The following PFKL variants were observed in gnomAD, a reference collection of about 807,000 sequenced individuals.
The protein encoded by PFKL is ATP-dependent 6-phosphofructokinase, liver type.
PFKL carries 74 observed loss-of-function variants against 92.1 expected under a neutral mutation model. The ratio of observed to expected loss-of-function variants is 0.80; its 90% CI spans 0.67 to 0.97. PFKL has a LOEUF of 0.97. PFKL is among the 50% of genes least tolerant of loss of function. The probability of loss-of-function intolerance (pLI) is 0.00; values close to 1 mark genes in which losing one functional copy is unlikely to be tolerated. For missense variants in PFKL, 1,028 were observed against 1,116.6 expected, an observed-to-expected ratio of 0.92 and a Z score of 1.13; for synonymous variants, 494 against 456.4, an observed-to-expected ratio of 1.08 and a Z score of -1.05.
intron 9 of PFKL, among the ~76,000 whole-genome samples, chr21:44,317,597 G>A (rs1345691698): frequency 2.6e-5 from 4 of 152,306 alleles, no homozygotes; most frequent in East Asian, 1.9e-4. Flanking sequence ...GCCTGATGCC[G>A]GGTGTGAAAC....
chr21:44,303,938 C>T (rs139763504), intron 1 of PFKL, among the ~76,000 whole-genome samples: 539 of 152,114 alleles, frequency 3.5e-3, no homozygotes, highest in African/African-American at 0.01. Context: ...AAAGAAAAGC[C>T]GATTAAAGGG....
rs776879126 is a variant in PFKL at position 44,324,574 on chromosome 21, C to T, written c.1734C>T (p.Tyr578=). The change falls in exon 17 of 22, where the codon TAC becomes TAT. Residue 578 remains tyrosine, a synonymous_variant. Transcript: ENST00000349048. ...IVETMGGYCG[Y]LATVTGIAVG... is the part of the protein sequence containing the mutation. ...AGACCATGGGGGGTTACTGTGGCTA[C>T]CTGGCCACCGTGACTGGCATTGCTG... is the stretch of plus-strand genomic sequence containing the variant. 1.9e-6 allele frequency: 3 copies of T among 1,612,848 alleles called. No individual in the cohort carries two copies. The highest frequency in any genetic ancestry group is 2.7e-5 in the African/African-American group (2 of 74,886).
chr21:44,304,338 G>A (rs1257540427), intron 1 of PFKL: 17 of 1,287,968 alleles, frequency 1.3e-5, no homozygotes, highest in Non-Finnish European at 1.6e-5. Context: ...GACCCGCCCA[G>A]TGGCACATTG....
At position 44,316,343 on chromosome 21, in the gene PFKL, C is replaced by T. The variant is rs1299618419; in HGVS notation, c.843+4C>T. 4.3e-6 allele frequency: 7 copies of T among 1,612,802 alleles called. No homozygotes were observed. Among genetic ancestry groups the T allele is most frequent in the East Asian group, 4.5e-5 (2 of 44,882 alleles). On this transcript the variant is annotated splice_donor_region_variant and intron_variant, in intron 8 of 21. Coordinates refer to ENST00000349048, the MANE Select transcript of PFKL (RefSeq NM_002626.6). ...CTCGTCCAGCTACGTGAAGGACGTG[C>T]GTGTGGGCCTGGGGGTGGCCACTGG...
intron 3 of PFKL, 145 bp downstream of exon 3, chr21:44,311,228 A>G (rs775962899): frequency 9.3e-5 from 58 of 621,832 alleles, no homozygotes; most frequent in Middle Eastern, 4.3e-4. Flanking sequence ...ACACAGACGC[A>G]CACACACACA....
intron 1 of PFKL, chr21:44,304,247 G>A (rs777912197): frequency 7.8e-7 from 1 of 1,289,180 alleles, no homozygotes; most frequent in South Asian, 1.2e-5. Context: ...GCTGACCCCT[G>A]ATCCTGGGGC....
intron 1 of PFKL, chr21:44,306,068 C>T (rs1274909854): frequency 5.2e-6 from 4 of 776,456 alleles, no homozygotes; most frequent in Non-Finnish European, 7.3e-6. Flanking sequence ...GTGCTTTCCT[C>T]AGTGCCCAGA....
chr21:44,312,274 T>A lies in PFKL; in HGVS notation c.407T>A (p.Leu136Gln). ...TTCCGCAGCGAGTGGGGCAGCCTGC[T>A]GGAGGAGCTGGTGGCGGAAGGTGGG... The part of the protein sequence containing the change: ...NIFRSEWGSL[L>Q]EELVAEGKIS... The change falls in exon 4 of 22, where the codon CTG (leucine) becomes CAG (glutamine). Residue 136 changes from leucine to glutamine, a missense_variant. Leu to Gln is a moderately radical substitution (Grantham distance 113). Coordinates refer to ENST00000349048, the MANE Select transcript of PFKL (RefSeq NM_002626.6). The A allele has an allele frequency of 6.3e-7, 1 of 1,593,532 alleles. No individual in the cohort carries two copies. Among genetic ancestry groups the A allele is most frequent in the Non-Finnish European group, 8.5e-7 (1 of 1,171,892 alleles).
At chr21:44,300,219 C>T (rs1230461026) in intron 1 of PFKL, 29 bp downstream of exon 1, 17 of 1,036,892 alleles carry the variant, frequency 1.6e-5, no homozygotes, top group Non-Finnish European at 1.7e-5. Context: ...CGCGTCGCGG[C>T]GCAGGGGGTG....
At position 44,313,025 on chromosome 21, in the gene PFKL, G is replaced by A. The variant is rs765713795; in HGVS notation, c.475G>A (p.Ala159Thr). Residue 159 changes from alanine (A) to threonine (T), a missense_variant, in exon 5 of 22, where the codon GCG (alanine) becomes ACG (threonine). Physicochemically the swap from Ala to Thr is moderately conservative, Grantham distance 58 (BLOSUM62 0). Coordinates refer to ENST00000349048, the MANE Select transcript of PFKL (RefSeq NM_002626.6). ...CCGGACCTACTCGCACCTGAACATC[G>A]CGGGCCTAGTGGGCTCCATCGATAA... The part of the protein sequence containing the change: ...TARTYSHLNI[A>T]GLVGSIDNDF... 2.2e-5 allele frequency: 35 copies of A among 1,612,976 alleles called. No individual in the cohort carries two copies. The highest frequency in any genetic ancestry group is 2.2e-4 in the Admixed American group (13 of 60,000).
intron 9 of PFKL, among the ~76,000 whole-genome samples, chr21:44,316,827 C>T (rs917722300): frequency 5.9e-5 from 9 of 152,154 alleles, no homozygotes; most frequent in South Asian, 2.1e-4. Context: ...CTGGCTTCTC[C>T]GTTCCCCTGC....
At chr21:44,322,662 C>T (rs2146014110) in intron 14 of PFKL, among the ~76,000 whole-genome samples, 1 of 152,326 alleles carries the variant, frequency 6.6e-6, no homozygotes. Context: ...TCCGCTCCTG[C>T]CGCTGAGTGT....
Position 44,323,018 on chromosome 21 carries a change from T to A in PFKL, c.1466T>A (p.Ile489Asn), listed in dbSNP as rs2047398770. The A allele has an allele frequency of 1.2e-6, 2 of 1,613,030 alleles. No homozygotes were observed. Among genetic ancestry groups the A allele is most frequent in the Non-Finnish European group, 1.7e-6 (2 of 1,179,664 alleles). ...GTGGAGAACATCCGCATCTATGGTA[T>A]TCACGCCCTGCTGGTGGTCGGTGGG... ...SIVENIRIYG[I>N]HALLVVGGFE... Residue 489 changes from isoleucine (I) to asparagine (N), a missense_variant, in exon 15 of 22, where the codon ATT becomes AAT. By Grantham distance (149) the Ile-to-Asn change is moderately radical. Coordinates refer to ENST00000349048, the MANE Select transcript of PFKL (RefSeq NM_002626.6).
intron 19 of PFKL, 85 bp downstream of exon 19, chr21:44,325,349 C>A (rs1035295813): frequency 2.9e-5 from 23 of 794,098 alleles, no homozygotes; most frequent in Non-Finnish European, 4.5e-5. Flanking sequence ...CCAGCCCTCA[C>A]GGGCACCCAC....
At chr21:44,302,976 T>G (rs1307208264) in intron 1 of PFKL, among the ~76,000 whole-genome samples, 1 of 152,168 alleles carries the variant, frequency 6.6e-6, no homozygotes, top group Non-Finnish European at 1.5e-5. Flanking sequence ...CTCACGCCTG[T>G]AATTCCAGCA....
Position 44,321,828 on chromosome 21 carries a change from A to C in PFKL, c.1291A>C (p.Thr431Pro), listed in dbSNP as rs752952802. 1 of 1,597,620 alleles carries C rather than the reference A, an allele frequency of 6.3e-7. No homozygotes were observed. The highest frequency in any genetic ancestry group is 8.5e-7 in the Non-Finnish European group (1 of 1,171,750). The change falls in exon 13 of 22, where the codon ACA becomes CCA. Residue 431 changes from threonine to proline, a missense_variant. Coordinates refer to ENST00000349048, the MANE Select transcript of PFKL (RefSeq NM_002626.6). ...AVRTGISHGH[T>P]VYVVHDGFEG... ...GCGGACCGGCATCTCCCATGGACACACAGTATACGTGGTGCACGATGGCTT... is the reference window on the plus strand; with the variant it reads ...GCGGACCGGCATCTCCCATGGACACCCAGTATACGTGGTGCACGATGGCTT...
In PFKL at chr21:44,325,264, G is replaced by A. The variant is rs1324254549; in HGVS notation, c.1989G>A (p.Gln663=). The change falls in exon 19 of 22, where the codon CAG becomes CAA. Residue 663 remains glutamine, a splice_region_variant and synonymous_variant. Transcript: ENST00000349048. ...CRTNVLGHLQ[Q]GGAPTPFDRN... ...CCAATGTCCTGGGCCACCTGCAGCA[G>A]GTGTGGGGCAGGGGTGAGGCTCTGA... 1 of 1,589,246 alleles carries A rather than the reference G, an allele frequency of 6.3e-7. No individual in the cohort carries two copies. Among genetic ancestry groups the A allele is most frequent in the Non-Finnish European group, 8.6e-7 (1 of 1,158,160 alleles).
At chr21:44,323,632 TG>T in intron 15 of PFKL, 133 bp from the exon 16 acceptor site, 1 of 880,256 alleles carries the variant, frequency 1.1e-6, no homozygotes, top group Non-Finnish European at 1.7e-6. Context: ...ATTGAGCAGG[TG>T]GGTCCTGGCG....
intron 1 of PFKL, among the ~76,000 whole-genome samples, chr21:44,302,056 G>A (rs1172321910): frequency 2.0e-5 from 3 of 152,226 alleles, no homozygotes; most frequent in Admixed American, 2.0e-4. Flanking sequence ...GGACAGGCCG[G>A]CTGGGTGGGC....
Sources: gnomAD v4.1 joint callset for allele counts (sites outside exome capture counted in the v4.1 genomes callset) on GRCh38, gnomAD v4.1.1 for gene constraint, MANE v1.5 for transcripts, NCBI Gene and HGNC (gene_info 2026-07-23, HGNC 2026-07-21) for gene names.